The following SORBS2 variants were observed in gnomAD, a reference collection of about 807,000 sequenced individuals.
SORBS2 encodes the protein sorbin and SH3 domain-containing protein 2.
In SORBS2, 46 loss-of-function variants were observed where a neutral mutation model predicts 97.7. The observed-to-expected ratio is 0.47, with a 90% CI of 0.37 to 0.60. The LOEUF (loss-of-function observed/expected upper bound fraction) is 0.60, where lower values mean the gene tolerates loss of function less well. SORBS2 is among the 20% of genes least tolerant of loss of function. The pLI is 0.00. For missense variants in SORBS2, 1,316 were observed against 1,282.3 expected (o/e 1.03, Z -0.40); for synonymous variants, 476 against 473.4 (o/e 1.01, Z -0.07).
At chr4:185,786,826 G>A (rs941511583) in intron 1 of SORBS2, among the ~76,000 whole-genome samples, 2 of 152,132 alleles carry the variant, frequency 1.3e-5, no homozygotes, top group Admixed American at 6.5e-5. Flanking sequence ...GCCGTGTGTG[G>A]TGGTGTGTAC....
Position 185,684,880 on chromosome 4 carries a change from G to T in SORBS2, c.-197-6058C>A. ...AAAAAAATGATATAGCAGAGGCCAA[G>T]GCAACGGGAAAAGCACGTGCAATAT... On this transcript the variant is annotated intron_variant, in intron 2 of 20. Transcript: ENST00000284776. This position sits in a 1 kb window ranked among gnomAD's most constrained non-coding sequence, Gnocchi z 4.2. The T allele has an allele frequency of 6.6e-7, 1 of 1,508,240 alleles. No individual in the cohort carries two copies. Among genetic ancestry groups the T allele is most frequent in the Non-Finnish European group, 9.0e-7 (1 of 1,107,816 alleles). 93.4% of individuals were successfully genotyped at this position (1,508,240 alleles called of 1,614,324 possible). A position where few individuals can be genotyped will look rare whatever the true frequency, so the allele number is the denominator to read the frequency against.
chr4:185,699,189 T>G (rs2098222330), intron 2 of SORBS2, among the ~76,000 whole-genome samples: 1 of 152,132 alleles, frequency 6.6e-6, no homozygotes, highest in Admixed American at 6.5e-5. Context: ...GGAATTTAAA[T>G]TTTGGGGCAG....
intron 2 of SORBS2, among the ~76,000 whole-genome samples, chr4:185,683,893 CATA>C (rs2097910952): frequency 6.6e-6 from 1 of 152,106 alleles, no homozygotes; most frequent in Non-Finnish European, 1.5e-5. Flanking sequence ...CTGTGATATG[CATA>C]ATGAGAATTA....
At chr4:185,768,720 CAA>C (rs796182865) in intron 2 of SORBS2, among the ~76,000 whole-genome samples, 6 of 93,670 alleles carry the variant, frequency 6.4e-5, no homozygotes, top group African/African-American at 2.2e-4. Flanking sequence ...AACAAAAAAA[CAA>C]AAAAAAATGC....
chr4:185,838,975 G>A (rs73017901), intron 1 of SORBS2, among the ~76,000 whole-genome samples: 210 of 152,250 alleles, frequency 1.4e-3, no homozygotes, highest in African/African-American at 4.9e-3. Context: ...AGCAGGCACC[G>A]CTGCTTTCCA....
chr4:185,610,111 A>T (rs574815116), intron 12 of SORBS2, among the ~76,000 whole-genome samples: 1 of 152,354 alleles, frequency 6.6e-6, no homozygotes, highest in East Asian at 1.9e-4. Context: ...CACATCAAAG[A>T]TGAAAACATT....
At chr4:185,774,891 G>C (rs2098992644) in intron 2 of SORBS2, 1 of 147,540 alleles carries the variant, frequency 6.8e-6, no homozygotes, top group Admixed American at 6.8e-5. Context: ...TAATGCCCCT[G>C]GAAAGTTAAA....
At chr4:185,801,268 T>C (rs141120500) in intron 1 of SORBS2, among the ~76,000 whole-genome samples, 148 of 152,358 alleles carry the variant, frequency 9.7e-4, no homozygotes, top group African/African-American at 3.4e-3. Flanking sequence ...ATTTTCTTTA[T>C]CCATTCATCC....
intron 6 of SORBS2, among the ~76,000 whole-genome samples, chr4:185,624,737 G>A (rs2096781245): frequency 6.6e-6 from 1 of 152,210 alleles, no homozygotes; most frequent in Non-Finnish European, 1.5e-5. Flanking sequence ...TGACAAAACT[G>A]TGTATAAGAA....
At chr4:185,924,404 C>T (rs2099262491) in intron 1 of SORBS2, among the ~76,000 whole-genome samples, 1 of 151,364 alleles carries the variant, frequency 6.6e-6, no homozygotes, top group African/African-American at 2.4e-5. Flanking sequence ...GGGTCCTTGC[C>T]AAGTTTTTGT....
At position 185,623,931 on chromosome 4, in the gene SORBS2, A is replaced by C. The variant is rs1437309583; in HGVS notation, c.1198T>G (p.Cys400Gly). ...TCCCGGGGCACCTCCTCCGTGGAGCACTGGCTCCAGGCGCGCAGCAGGTCC... is the reference window on the plus strand; with the variant it reads ...TCCCGGGGCACCTCCTCCGTGGAGCCCTGGCTCCAGGCGCGCAGCAGGTCC... Residue 400 changes from cysteine (C) to glycine (G), a missense_variant, in exon 7 of 15, where the codon TGC becomes GGC. Transcript: ENST00000418609. This position sits in a 1 kb window ranked among gnomAD's most constrained non-coding sequence, Gnocchi z 6.4. 1.2e-6 allele frequency: 2 copies of C among 1,614,026 alleles called. No homozygotes were observed. Among genetic ancestry groups the C allele is most frequent in the Non-Finnish European group, 8.5e-7 (1 of 1,180,010 alleles).
intron 2 of SORBS2, among the ~76,000 whole-genome samples, chr4:185,651,403 C>T (rs2153460624): frequency 1.3e-5 from 2 of 152,324 alleles, no homozygotes; most frequent in South Asian, 4.1e-4. Context: ...CTTTGTTTGA[C>T]TTGTTTTTGG....
chr4:185,892,926 T>A (rs1315451313), intron 1 of SORBS2, among the ~76,000 whole-genome samples: 1 of 152,208 alleles, frequency 6.6e-6, no homozygotes, highest in Non-Finnish European at 1.5e-5. Context: ...CAATTTTATG[T>A]TATTTAGAAA....
intron 1 of SORBS2, among the ~76,000 whole-genome samples, chr4:185,832,883 A>G (rs543428545): frequency 6.6e-6 from 1 of 152,318 alleles, no homozygotes; most frequent in South Asian, 2.1e-4. Context: ...TAAAACTATC[A>G]TTCATGATTA....
chr4:185,681,589 A>C (rs2097868154), intron 2 of SORBS2, among the ~76,000 whole-genome samples: 2 of 152,176 alleles, frequency 1.3e-5, no homozygotes, highest in Non-Finnish European at 2.9e-5. Flanking sequence ...AAAATCCACG[A>C]ATGACTAAAT....
At chr4:185,953,939 C>T (rs1018459493) in intron 1 of SORBS2, among the ~76,000 whole-genome samples, 1 of 152,248 alleles carries the variant, frequency 6.6e-6, no homozygotes, top group South Asian at 2.1e-4. Flanking sequence ...TTATCTCATG[C>T]CTGGAGGACA....
intron 1 of SORBS2, among the ~76,000 whole-genome samples, chr4:185,882,815 A>T (rs1312582365): frequency 3.3e-5 from 5 of 152,362 alleles, no homozygotes; most frequent in African/African-American, 1.2e-4. Context: ...GACAAAGACA[A>T]GAAAGGATAG....
At chr4:185,778,679 A>G (rs772042586) in intron 1 of SORBS2, among the ~76,000 whole-genome samples, 1 of 152,168 alleles carries the variant, frequency 6.6e-6, no homozygotes, top group African/African-American at 2.4e-5. Context: ...ATACGTGAAC[A>G]GCTGATTCCA....
chr4:185,712,192 C>T (rs546126265), intron 2 of SORBS2, among the ~76,000 whole-genome samples: 1 of 152,272 alleles, frequency 6.6e-6, no homozygotes, highest in Admixed American at 6.5e-5. Flanking sequence ...TGCCCCACCC[C>T]ATCCTGTGCC....
Sources: allele counts gnomAD v4.1 joint callset (sites outside exome capture counted in the v4.1 genomes callset), GRCh38; gene constraint gnomAD v4.1.1; non-coding constraint Gnocchi (gnomAD v3.1); transcripts MANE v1.5; gene names NCBI Gene and HGNC (gene_info 2026-07-23, HGNC 2026-07-21).